The following FHIT variants were observed in gnomAD, a reference collection of about 807,000 sequenced individuals.
FHIT encodes the protein bis(5'-adenosyl)-triphosphatase.
In FHIT, 19 loss-of-function variants were observed where a neutral mutation model predicts 17.9. The ratio of observed to expected loss-of-function variants is 1.06; its 90% CI spans 0.74 to 1.56. FHIT has a LOEUF of 1.56. Among genes scored for constraint, FHIT ranks in the 40% most tolerant of loss-of-function variants. The pLI, the probability that FHIT is intolerant of heterozygous loss-of-function variation, is 0.00. For synonymous variants in FHIT, 81 were observed against 69.7 expected, an observed-to-expected ratio of 1.16 and a Z score of -0.81; for missense variants, 248 against 189.2, an observed-to-expected ratio of 1.31 and a Z score of -1.82.
At chr3:60,630,570 G>T (rs1226811352) in intron 4 of FHIT, among the ~76,000 whole-genome samples, 1 of 152,148 alleles carries the variant, frequency 6.6e-6, no homozygotes, top group Non-Finnish European at 1.5e-5. Context: ...GGAACTAATT[G>T]TGTTCTAGAT....
chr3:60,033,448 C>A (rs1408011988), intron 5 of FHIT, among the ~76,000 whole-genome samples: 1 of 151,152 alleles, frequency 6.6e-6, no homozygotes, highest in African/African-American at 2.4e-5. Context: ...GAGCCAAGAT[C>A]GCGCCATTGC....
intron 3 of FHIT, among the ~76,000 whole-genome samples, chr3:61,032,203 A>G (rs944075322): frequency 6.6e-6 from 1 of 152,248 alleles, no homozygotes; most frequent in African/African-American, 2.4e-5. Context: ...CTAAAAATAC[A>G]GAACTTTACA....
chr3:60,453,400 C>T (rs749434007), intron 5 of FHIT, among the ~76,000 whole-genome samples: 2 of 152,150 alleles, frequency 1.3e-5, no homozygotes, highest in African/African-American at 2.4e-5. Context: ...ATACACTCTC[C>T]AGAGGGCTAA....
chr3:60,232,906 A>G (rs138040957), intron 5 of FHIT, among the ~76,000 whole-genome samples: 46 of 152,298 alleles, frequency 3.0e-4, no homozygotes, highest in African/African-American at 1.1e-3. Context: ...CTAAGGAAAT[A>G]CTGTCAACTT....
chr3:60,209,725 A>C (rs532843729), intron 5 of FHIT, among the ~76,000 whole-genome samples: 2 of 152,224 alleles, frequency 1.3e-5, no homozygotes, highest in African/African-American at 4.8e-5. Flanking sequence ...AAAATGTGGT[A>C]CATATACACC....
At chr3:59,943,923 C>T (rs899352462) in intron 7 of FHIT, among the ~76,000 whole-genome samples, 11 of 152,138 alleles carry the variant, frequency 7.2e-5, no homozygotes, top group African/African-American at 1.4e-4. Context: ...TTTCCTCATC[C>T]GTAAGAAAGG....
At chr3:60,333,184 C>A (rs147793199) in intron 5 of FHIT, among the ~76,000 whole-genome samples, 3 of 152,214 alleles carry the variant, frequency 2.0e-5, no homozygotes, top group South Asian at 2.1e-4. Context: ...TTATCCAATG[C>A]TGAACAATGT....
chr3:60,233,491 T>C (rs1459257526), intron 5 of FHIT, among the ~76,000 whole-genome samples: 1 of 152,028 alleles, frequency 6.6e-6, no homozygotes, highest in Non-Finnish European at 1.5e-5. Context: ...GAGGGCCTCC[T>C]CCACCATGCT....
At chr3:60,026,520 T>G (rs1700746530) in intron 5 of FHIT, among the ~76,000 whole-genome samples, 1 of 152,180 alleles carries the variant, frequency 6.6e-6, no homozygotes, top group Non-Finnish European at 1.5e-5. Flanking sequence ...TCTCATTTGA[T>G]CTCTGTTTTT....
chr3:60,415,623 A>C lies in FHIT; in HGVS notation c.103+121237T>G, dbSNP rs138664030. Among the ~76,000 whole-genome samples the C allele has an allele frequency of 3.3e-3, 495 of 152,154 alleles. 2 individuals carry two copies. Among genetic ancestry groups the C allele is most frequent in the Middle Eastern group, 0.01 (3 of 294 alleles). ...ATATGAATCAATAAGAGAATCCCTA[A>C]CTTAAAGTCTTGTCCACTGATATTA... On this transcript the variant is annotated intron_variant, in intron 5 of 9. Coordinates refer to ENST00000492590, the MANE Select transcript of FHIT (RefSeq NM_002012.4).
intron 3 of FHIT, among the ~76,000 whole-genome samples, chr3:61,029,713 AT>A (rs1416210398): frequency 2.0e-5 from 3 of 151,774 alleles, no homozygotes; most frequent in East Asian, 1.9e-4. Flanking sequence ...AAGCAAAGGA[AT>A]TTTTTTTTCT....
At chr3:60,577,671 T>C (rs532680308) in intron 4 of FHIT, among the ~76,000 whole-genome samples, 3 of 152,276 alleles carry the variant, frequency 2.0e-5, no homozygotes, top group African/African-American at 7.2e-5. Flanking sequence ...GAGGCTTTCC[T>C]GATTACTGAA....
intron 1 of FHIT, among the ~76,000 whole-genome samples, chr3:61,226,909 G>T (rs2039985478): frequency 6.6e-6 from 1 of 152,106 alleles, no homozygotes; most frequent in Non-Finnish European, 1.5e-5. Flanking sequence ...CACAGCCCCT[G>T]CCCTCTTAGA....
At chr3:59,753,726 A>ATAAC (rs975649849) in intron 8 of FHIT, among the ~76,000 whole-genome samples, 2 of 152,162 alleles carry the variant, frequency 1.3e-5, no homozygotes, top group African/African-American at 4.8e-5. Flanking sequence ...AATCCTTACA[A>ATAAC]TAACTCATAA....
At chr3:60,002,288 GTTTT>G (rs1165894451) in intron 7 of FHIT, among the ~76,000 whole-genome samples, 5 of 152,166 alleles carry the variant, frequency 3.3e-5, no homozygotes, top group East Asian at 1.9e-4. Flanking sequence ...GTTTGTGTGT[GTTTT>G]TTTGTTTGTT....
At chr3:60,939,331 ACTGT>A (rs1437429794) in intron 3 of FHIT, among the ~76,000 whole-genome samples, 1 of 152,210 alleles carries the variant, frequency 6.6e-6, no homozygotes, top group Admixed American at 6.5e-5. Context: ...TCATGCATAT[ACTGT>A]CTAAGGTTGC....
intron 5 of FHIT, among the ~76,000 whole-genome samples, chr3:60,412,319 T>A (rs1313359489): frequency 2.0e-5 from 3 of 152,100 alleles, no homozygotes; most frequent in African/African-American, 7.2e-5. Context: ...CTTGCGTTCC[T>A]CATAGTCCAT....
chr3:59,967,833 A>T (rs1209876545), intron 7 of FHIT, among the ~76,000 whole-genome samples: 6 of 152,150 alleles, frequency 3.9e-5, no homozygotes. Context: ...GAAAAGAGTG[A>T]AGAAAATGAA....
chr3:60,150,901 A>G (rs1230160240), intron 5 of FHIT, among the ~76,000 whole-genome samples: 1 of 151,546 alleles, frequency 6.6e-6, no homozygotes, highest in Non-Finnish European at 1.5e-5. Flanking sequence ...CCTGGGTGAC[A>G]GAGCTAGACT....
Sources: gnomAD v4.1 joint callset for allele counts (sites outside exome capture counted in the v4.1 genomes callset) on GRCh38, gnomAD v4.1.1 for gene constraint, MANE v1.5 for transcripts, NCBI Gene and HGNC (gene_info 2026-07-23, HGNC 2026-07-21) for gene names.